The following XXYLT1 variants were observed in gnomAD, a reference collection of about 807,000 sequenced individuals.
The protein encoded by XXYLT1 is xyloside xylosyltransferase 1, also known as UDP-xylose:alpha-xyloside alpha-1,3-xylosyltransferase.
In XXYLT1, 20 loss-of-function variants were observed where a neutral mutation model predicts 28.9. The observed-to-expected ratio is 0.69, with a 90% CI of 0.49 to 1.00. The LOEUF (loss-of-function observed/expected upper bound fraction) is 1.00, where lower values mean the gene tolerates loss of function less well. Ranked by LOEUF, XXYLT1 falls within the 50% of genes least tolerant of loss-of-function variation. The pLI is 0.00. For missense variants in XXYLT1, 542 were observed against 560.1 expected (o/e 0.97, Z 0.33); for synonymous variants, 257 against 253.8 (o/e 1.01, Z -0.12).
At chr3:195,103,155 T>C (rs551304286) in intron 3 of XXYLT1, among the ~76,000 whole-genome samples, 3 of 152,318 alleles carry the variant, frequency 2.0e-5, no homozygotes, top group South Asian at 2.1e-4. Context: ...GGGGGGCAGA[T>C]AAAAGGGAGC....
At chr3:195,232,655 G>C (rs1724351392) in intron 1 of XXYLT1, among the ~76,000 whole-genome samples, 1 of 152,022 alleles carries the variant, frequency 6.6e-6, no homozygotes, top group Non-Finnish European at 1.5e-5. Context: ...TCATTCAGAG[G>C]CATATTGTTC....
intron 2 of XXYLT1, among the ~76,000 whole-genome samples, chr3:195,187,819 A>G (rs1722267626): frequency 6.6e-6 from 1 of 152,198 alleles, no homozygotes; most frequent in Non-Finnish European, 1.5e-5. Context: ...AAAGTTGTGC[A>G]TTTGTAAATT....
At chr3:195,171,483 C>A (rs1721402816) in intron 2 of XXYLT1, among the ~76,000 whole-genome samples, 1 of 152,194 alleles carries the variant, frequency 6.6e-6, no homozygotes, top group Non-Finnish European at 1.5e-5. Context: ...GTTTAATTTC[C>A]TACACGCCTG....
chr3:195,087,567 ACTGGGGC>A (rs1715803888), intron 3 of XXYLT1, among the ~76,000 whole-genome samples: 1 of 152,248 alleles, frequency 6.6e-6, no homozygotes, highest in African/African-American at 2.4e-5. Flanking sequence ...CGGATAGGGC[ACTGGGGC>A]CTGGGCTTAC....
At chr3:195,073,710 G>C (rs979865825) in intron 3 of XXYLT1, among the ~76,000 whole-genome samples, 1 of 152,034 alleles carries the variant, frequency 6.6e-6, no homozygotes, top group African/African-American at 2.4e-5. Context: ...GAGGCCCTTT[G>C]GGAAAATAAA....
At chr3:195,109,547 G>GGTGT (rs150076566) in intron 3 of XXYLT1, among the ~76,000 whole-genome samples, 3 of 142,078 alleles carry the variant, frequency 2.1e-5, no homozygotes, top group Admixed American at 7.0e-5. Flanking sequence ...ATGTGTAGGG[G>GGTGT]GTGTGTGTGT....
intron 1 of XXYLT1, among the ~76,000 whole-genome samples, chr3:195,238,785 C>G (rs1724659480): frequency 1.3e-5 from 2 of 152,190 alleles, no homozygotes; most frequent in Non-Finnish European, 2.9e-5. Context: ...CAGCTTTTCC[C>G]TCCCTCCAAA....
chr3:195,143,859 T>TAG lies in XXYLT1; in HGVS notation c.785+12589_785+12590insCT, dbSNP rs1553809533. 5.0e-5 allele frequency among the ~76,000 whole-genome samples: 5 copies of TAG among 100,688 alleles called. 1 individual carries two copies. The highest frequency in any genetic ancestry group is 1.7e-4 in the African/African-American group (4 of 23,500). 66.1% of individuals were successfully genotyped at this position (100,688 alleles called of 152,430 possible). On this transcript the variant is annotated intron_variant, in intron 3 of 3. Coordinates refer to ENST00000310380, the MANE Select transcript of XXYLT1 (RefSeq NM_152531.5). ...ATAGATATAGATATATATATAGATA[T>TAG]ATATAGATATAGATATATATATATA...
In XXYLT1 at chr3:195,195,161, T is replaced by C. The variant is rs765037447; in HGVS notation, c.652+31548A>G. ...CTGTTACTACAATGGTTGTTGACGT[T>C]AAATGCTATGGAGGGCCACTGAGAA... On this transcript the variant is annotated intron_variant, in intron 2 of 3. Transcript: ENST00000310380. The surrounding 1 kb of genome is among the most constrained non-coding windows in gnomAD (Gnocchi z 4.4). Among the ~76,000 whole-genome samples, 2 of 152,222 alleles carry C rather than the reference T, an allele frequency of 1.3e-5. No homozygotes were observed. The highest frequency in any genetic ancestry group is 2.9e-5 in the Non-Finnish European group (2 of 68,040).
At chr3:195,111,574 G>C (rs957263620) in intron 3 of XXYLT1, among the ~76,000 whole-genome samples, 1 of 152,118 alleles carries the variant, frequency 6.6e-6, no homozygotes, top group Non-Finnish European at 1.5e-5. Context: ...CTCATGACGG[G>C]AGCATCTGTC....
Position 195,256,649 on chromosome 3 carries a change from G to A in XXYLT1, c.504+13906C>T, listed in dbSNP as rs185773252. ...CAGCACTGTTTATACACGCCTGGAA[G>A]AGAACAGACTGTTACTCAGAGCCGG... is the stretch of plus-strand genomic sequence containing the variant. On this transcript the variant is annotated intron_variant, in intron 1 of 3. Transcript: ENST00000310380. This position sits in a 1 kb window ranked among gnomAD's most constrained non-coding sequence, Gnocchi z 4.2. The A allele has an allele frequency of 2.7e-4, 239 of 893,612 alleles. No homozygotes were observed. The highest frequency in any genetic ancestry group is 5.8e-4 in the Middle Eastern group (1 of 1,730). The allele number at this position is 893,612 out of a possible 1,614,324, so 55.4% of individuals were successfully genotyped here. A position where few individuals can be genotyped will look rare whatever the true frequency, so the allele number is the denominator to read the frequency against.
intron 2 of XXYLT1, among the ~76,000 whole-genome samples, chr3:195,223,781 C>T (rs781587017): frequency 6.6e-6 from 1 of 152,172 alleles, no homozygotes; most frequent in Admixed American, 6.5e-5. Context: ...AACTCAAGGA[C>T]CGCTCATTTT....
intron 3 of XXYLT1, chr3:195,122,262 A>G: frequency 2.9e-6 from 2 of 679,802 alleles, no homozygotes; most frequent in East Asian, 2.7e-5. Flanking sequence ...ATTTCAACAC[A>G]TGAATTTTGG....
intron 3 of XXYLT1, among the ~76,000 whole-genome samples, chr3:195,153,357 T>C (rs1210418207): frequency 6.6e-6 from 1 of 152,218 alleles, no homozygotes; most frequent in Non-Finnish European, 1.5e-5. Context: ...TACAAGGCAA[T>C]TCCCCAGAGC....
chr3:195,099,796 A>T (rs1046500207), intron 3 of XXYLT1, among the ~76,000 whole-genome samples: 1 of 145,372 alleles, frequency 6.9e-6, no homozygotes, highest in Non-Finnish European at 1.5e-5. Flanking sequence ...GCGCCACTGC[A>T]CTCCAGCCTG....
chr3:195,212,907 T>A (rs1379439545), intron 2 of XXYLT1, among the ~76,000 whole-genome samples: 1 of 152,232 alleles, frequency 6.6e-6, no homozygotes, highest in Non-Finnish European at 1.5e-5. Context: ...AGCCACTTGT[T>A]GGTCAGTGCC....
chr3:195,193,640 C>T (rs1722510805), intron 2 of XXYLT1, among the ~76,000 whole-genome samples: 1 of 152,116 alleles, frequency 6.6e-6, no homozygotes, highest in Admixed American at 6.5e-5. Flanking sequence ...TTAAAAATAA[C>T]TACAAAGCCA....
rs1170887279 is a variant in XXYLT1, at chr3:195,124,395, G to A, written c.785+32054C>T. Among the ~76,000 whole-genome samples, 1 of 152,212 alleles carries A rather than the reference G, an allele frequency of 6.6e-6. No individual in the cohort carries two copies. Among genetic ancestry groups the A allele is most frequent in the Non-Finnish European group, 1.5e-5 (1 of 68,036 alleles). On this transcript the variant is annotated intron_variant, in intron 3 of 3. Transcript: ENST00000310380. The surrounding 1 kb of genome is among the most constrained non-coding windows in gnomAD (Gnocchi z 4.1). ...CGATGGGTATAAATCCAAGACCTAG[G>A]ACTCACCTGGAAGGGAAATGGTTTG...
intron 1 of XXYLT1, among the ~76,000 whole-genome samples, chr3:195,264,301 G>C (rs1725776211): frequency 6.6e-6 from 1 of 152,276 alleles, no homozygotes; most frequent in Non-Finnish European, 1.5e-5. Context: ...GAGGGAGACA[G>C]AGAGACTACA....
Sources: gnomAD v4.1 joint callset for allele counts (sites outside exome capture counted in the v4.1 genomes callset) on GRCh38, gnomAD v4.1.1 for gene constraint, Gnocchi (gnomAD v3.1) non-coding constraint, MANE v1.5 for transcripts, NCBI Gene and HGNC (gene_info 2026-07-23, HGNC 2026-07-21) for gene names.